The following NUMB variants were observed in gnomAD, a reference collection of about 807,000 sequenced individuals.
NUMB encodes NUMB endocytic adaptor protein.
In NUMB, 29 loss-of-function variants were observed where a neutral mutation model predicts 59.7. The ratio of observed to expected loss-of-function variants is 0.49; its 90% CI spans 0.36 to 0.66. NUMB has a LOEUF of 0.66. NUMB is among the 30% of genes least tolerant of loss of function. The probability of loss-of-function intolerance (pLI) is 0.00; values close to 1 mark genes in which losing one functional copy is unlikely to be tolerated. For missense variants in NUMB, 723 were observed against 822.0 expected, an observed-to-expected ratio of 0.88 and a Z score of 1.47; for synonymous variants, 288 against 288.2, an observed-to-expected ratio of 1.00 and a Z score of 0.01.
chr14:73,310,781 T>C (rs1418540637), intron 6 of NUMB, among the ~76,000 whole-genome samples: 2 of 152,198 alleles, frequency 1.3e-5, no homozygotes, highest in East Asian at 3.8e-4. Context: ...GTAAATGGCT[T>C]TAAAAAGAGA....
chr14:73,397,130 AAAAACAAAAC>A (rs900178101), intron 2 of NUMB, among the ~76,000 whole-genome samples: 1 of 150,266 alleles, frequency 6.7e-6, no homozygotes, highest in African/African-American at 2.4e-5. Context: ...GCCGTCTCAA[AAAAACAAAAC>A]AAAACAAAAC....
intron 2 of NUMB, among the ~76,000 whole-genome samples, chr14:73,395,682 A>T (rs1336331778): frequency 6.6e-6 from 1 of 152,072 alleles, no homozygotes; most frequent in Admixed American, 6.6e-5. Context: ...GAATGATGTT[A>T]ATGTGCCAGA....
chr14:73,390,636 G>GCCTTTTTTTTT (rs1895794689), intron 2 of NUMB, among the ~76,000 whole-genome samples: 1 of 60,072 alleles, frequency 1.7e-5, no homozygotes, highest in Non-Finnish European at 3.7e-5. Flanking sequence ...CAAAAACAAA[G>GCCTTTTTTTTT]TCTTTTTTTT....
At chr14:73,434,462 T>C (rs1897965249) in intron 1 of NUMB, among the ~76,000 whole-genome samples, 1 of 152,218 alleles carries the variant, frequency 6.6e-6, no homozygotes, top group South Asian at 2.1e-4. Context: ...TCCGATACTT[T>C]ACTAGGCTAT....
chr14:73,299,623 A>G (rs11622973), intron 6 of NUMB, among the ~76,000 whole-genome samples: 1 of 151,142 alleles, frequency 6.6e-6, no homozygotes, highest in South Asian at 2.1e-4. Context: ...TATGTCATAT[A>G]ATATGACATA....
At chr14:73,397,416 C>T (rs531404613) in intron 2 of NUMB, among the ~76,000 whole-genome samples, 33 of 152,232 alleles carry the variant, frequency 2.2e-4, no homozygotes, top group Non-Finnish European at 4.4e-4. Flanking sequence ...AGAAAGAAGC[C>T]CTGCTTTGTA....
chr14:73,354,037 G>C (rs1425383004), intron 4 of NUMB, among the ~76,000 whole-genome samples: 1 of 152,098 alleles, frequency 6.6e-6, no homozygotes, highest in African/African-American at 2.4e-5. Flanking sequence ...TTAAAAGACT[G>C]TGGAAAAATT....
In NUMB at chr14:73,372,305, T is replaced by TTATATATATATATA. The variant is rs3028704; in HGVS notation, c.-100-5338_-100-5325dup. 2.7e-3 allele frequency among the ~76,000 whole-genome samples: 229 copies of TTATATATATATATA among 85,942 alleles called. 2 individuals are homozygous for TTATATATATATATA. Among genetic ancestry groups the TTATATATATATATA allele is most frequent in the East Asian group, 6.8e-3 (17 of 2,496 alleles). 56.4% of individuals were successfully genotyped at this position (85,942 alleles called of 152,430 possible). A position where few individuals can be genotyped will look rare whatever the true frequency, so the allele number is the denominator to read the frequency against. Reference sequence around the variant, plus strand: ...AAGTTGGAATATATATATATTTCTTTTATATATATATATATATATATATAT... The same window carrying TTATATATATATATA: ...AAGTTGGAATATATATATATTTCTTTTATATATATATATATATATATATATATATATATATATAT... On this transcript the variant is annotated intron_variant, in intron 2 of 12. Transcript: ENST00000555238.
chr14:73,296,506 CTA>C, intron 7 of NUMB, among the ~76,000 whole-genome samples: 1 of 151,460 alleles, frequency 6.6e-6, no homozygotes, highest in East Asian at 1.9e-4. Context: ...CTTAGACATG[CTA>C]TGTCATGTAG....
intron 2 of NUMB, among the ~76,000 whole-genome samples, chr14:73,396,538 G>T (rs1008961059): frequency 2.6e-5 from 4 of 151,268 alleles, no homozygotes; most frequent in African/African-American, 9.7e-5. Context: ...TTTTTTTGTT[G>T]TTTTTTTGTT....
intron 4 of NUMB, among the ~76,000 whole-genome samples, chr14:73,341,905 T>A (rs1412577461): frequency 1.3e-5 from 2 of 152,168 alleles, no homozygotes; most frequent in Non-Finnish European, 2.9e-5. Context: ...TACCTTCAAA[T>A]AATCAGATAT....
Position 73,300,396 on chromosome 14 carries a change from G to T in NUMB, c.235-3111C>A, listed in dbSNP as rs150097548. Among the ~76,000 whole-genome samples, 369 of 152,280 alleles carry T rather than the reference G, an allele frequency of 2.4e-3. 3 individuals are homozygous for T. The highest frequency in any genetic ancestry group is 8.4e-3 in the African/African-American group (349 of 41,554). ...ACTCTGGAGAACCATAAATTCATCT[G>T]TGAATTTATGGTTTTAATTTACCTG... On this transcript the variant is annotated intron_variant, in intron 6 of 12. Coordinates refer to ENST00000555238, the MANE Select transcript of NUMB (RefSeq NM_001005743.2).
In NUMB at chr14:73,349,618, A is replaced by G. The variant is rs571602671; in HGVS notation, c.126+6008T>C. ...AGGGTGGCCAGGCGCGGTGGCTCAC[A>G]CCTGTAATCCCAGCACTTTGGGAGG... is the stretch of plus-strand genomic sequence containing the variant. On this transcript the variant is annotated intron_variant, in intron 4 of 12. Coordinates refer to ENST00000555238, the MANE Select transcript of NUMB (RefSeq NM_001005743.2). Among the ~76,000 whole-genome samples, 6 of 147,250 alleles carry G rather than the reference A, an allele frequency of 4.1e-5. No homozygotes were observed. The South Asian group carries it at 1.3e-3, about 32-fold the overall frequency.
In NUMB at chr14:73,434,199, G is replaced by A. The variant is rs147981138; in HGVS notation, c.-232-24131C>T. 6.2e-4 allele frequency among the ~76,000 whole-genome samples: 95 copies of A among 152,278 alleles called. 1 individual carries two copies. The highest frequency in any genetic ancestry group is 2.1e-3 in the African/African-American group (89 of 41,556). Reference sequence around the variant, plus strand: ...CATTTAATTTAATCCATTTAGCACTGAAAGTTAAGAGTATGAGCTCTGGAG... The same window carrying A: ...CATTTAATTTAATCCATTTAGCACTAAAAGTTAAGAGTATGAGCTCTGGAG... On this transcript the variant is annotated intron_variant, in intron 1 of 12. Transcript: ENST00000555238.
chr14:73,434,037 T>G (rs960863412), intron 1 of NUMB, among the ~76,000 whole-genome samples: 1 of 152,110 alleles, frequency 6.6e-6, no homozygotes, highest in African/African-American at 2.4e-5. Context: ...GAGGTCACAG[T>G]GAGCCAAGAT....
At chr14:73,432,331 T>C (rs1017338069) in intron 1 of NUMB, among the ~76,000 whole-genome samples, 1 of 151,872 alleles carries the variant, frequency 6.6e-6, no homozygotes, top group Non-Finnish European at 1.5e-5. Flanking sequence ...GACATAGGGA[T>C]AGGCAAATAA....
chr14:73,354,510 CA>C (rs780721035), intron 4 of NUMB, among the ~76,000 whole-genome samples: 16,753 of 78,052 alleles, frequency 0.21, 1,324 homozygotes, highest in Non-Finnish European at 0.33. Context: ...GACTCCATCT[CA>C]AAAAAAAAAA....
rs142133243 is a variant in NUMB at position 73,380,591 on chromosome 14, T to C, written c.-100-13610A>G. On this transcript the variant is annotated intron_variant, in intron 2 of 12. Transcript: ENST00000555238. Reference sequence around the variant, plus strand: ...CCAATTTTTTTCATTTCTTATACTATTTGTTATATTGTAACTATTGGTGTA... The same window carrying C: ...CCAATTTTTTTCATTTCTTATACTACTTGTTATATTGTAACTATTGGTGTA... Among the ~76,000 whole-genome samples the C allele has an allele frequency of 9.2e-5, 14 of 152,306 alleles. No individual in the cohort carries two copies. The East Asian group carries it at 2.7e-3, about 29-fold the overall frequency.
rs1000875373 is a variant in NUMB, at chr14:73,446,423, T to A, written c.-233+12070A>T. Among the ~76,000 whole-genome samples, 8 of 151,840 alleles carry A rather than the reference T, an allele frequency of 5.3e-5. No individual in the cohort carries two copies. The South Asian group carries it at 8.3e-4, about 16-fold the overall frequency. ...GAGTTCGAGACCAGCCTGGCCAATA[T>A]GGTGAAACCCCGTCTCTACTAAAAA... On this transcript the variant is annotated intron_variant, in intron 1 of 12. Transcript: ENST00000555238.
Sources: allele counts gnomAD v4.1 joint callset (sites outside exome capture counted in the v4.1 genomes callset), GRCh38; gene constraint gnomAD v4.1.1; transcripts MANE v1.5; gene names NCBI Gene and HGNC (gene_info 2026-07-23, HGNC 2026-07-21).